Variants in IL10RA observed in about 807,000 individuals in gnomAD.
The protein encoded by IL10RA is interleukin 10 receptor subunit alpha.
A neutral mutation model predicts 29.6 loss-of-function variants in IL10RA; 18 were observed. That is an observed-to-expected ratio of 0.61 (90% CI 0.42 to 0.90). The LOEUF is 0.90. Among genes scored for constraint, IL10RA ranks in the 40% least tolerant of loss-of-function variants. IL10RA has a pLI of 0.00. For missense variants in IL10RA, 634 were observed against 716.6 expected, an observed-to-expected ratio of 0.88 and a Z score of 1.32; for synonymous variants, 292 against 294.1, an observed-to-expected ratio of 0.99 and a Z score of 0.07.
chr11:117,992,112 G>T (rs745630206), intron 3 of IL10RA, among the ~76,000 whole-genome samples: 23 of 152,184 alleles, frequency 1.5e-4, no homozygotes, highest in Non-Finnish European at 2.2e-4. Flanking sequence ...TTCATCCATT[G>T]GTGGGCATTT....
At chr11:117,995,756 C>T (rs770695687) in intron 6 of IL10RA, 46 bp downstream of exon 6, 1 of 1,603,786 alleles carries the variant, frequency 6.2e-7, no homozygotes, top group South Asian at 1.1e-5. Flanking sequence ...CCAGCCACAC[C>T]CGAGCTTCCA....
chr11:117,994,497 T>C (rs1208657271), intron 5 of IL10RA, among the ~76,000 whole-genome samples: 3 of 152,206 alleles, frequency 2.0e-5, no homozygotes, highest in African/African-American at 4.8e-5. Flanking sequence ...GTTACAGTCT[T>C]CTGCTGTTCT....
intron 6 of IL10RA, 80 bp from the exon 7 acceptor site, chr11:117,998,635 G>A: frequency 8.1e-7 from 1 of 1,228,270 alleles, no homozygotes; most frequent in South Asian, 1.2e-5. Context: ...TCTCCTCCTG[G>A]GCCTGGCCTT....
intron 6 of IL10RA, among the ~76,000 whole-genome samples, chr11:117,996,060 A>G (rs1158313128): frequency 6.6e-6 from 1 of 152,188 alleles, no homozygotes; most frequent in Non-Finnish European, 1.5e-5. Context: ...TCCCCATTTC[A>G]TAAGTGAGGA....
intron 6 of IL10RA, among the ~76,000 whole-genome samples, chr11:117,997,920 C>G (rs973365194): frequency 6.6e-6 from 1 of 152,020 alleles, no homozygotes; most frequent in African/African-American, 2.4e-5. Context: ...TATAAAGTGC[C>G]GAGAGCATTT....
In IL10RA at chr11:117,999,942, C is replaced by A; in HGVS notation, c.*301C>A. Reference sequence around the variant, plus strand: ...CCTTCTCCCTCCTAGGAACTCTTTCCTGTATCATAAAGGATTATTTGCTCA... The same window carrying A: ...CCTTCTCCCTCCTAGGAACTCTTTCATGTATCATAAAGGATTATTTGCTCA... On this transcript the variant is annotated 3_prime_UTR_variant, in exon 7 of 7. Coordinates refer to ENST00000227752, the MANE Select transcript of IL10RA (RefSeq NM_001558.4). 1 of 573,404 alleles carries A rather than the reference C, an allele frequency of 1.7e-6. No homozygotes were observed. Among genetic ancestry groups the A allele is most frequent in the Non-Finnish European group, 3.3e-6 (1 of 303,880 alleles). 35.5% of individuals were successfully genotyped at this position (573,404 alleles called of 1,614,324 possible).
chr11:117,998,985 A>G lies in IL10RA; in HGVS notation c.1081A>G (p.Ser361Gly). The change falls in exon 7 of 7, where the codon AGT (serine) becomes GGT (glycine). Residue 361 changes from serine (S) to glycine (G), a missense_variant. Ser to Gly is a moderately conservative substitution (Grantham distance 56). Coordinates refer to ENST00000227752, the MANE Select transcript of IL10RA (RefSeq NM_001558.4). ...GCCCCCTGTGCTGGGGGACAGCTGC[A>G]GTAGTGGCAGCAGCAATAGCACAGA... ...REPPVLGDSC[S>G]SGSSNSTDSG... 1 of 1,613,704 alleles carries G rather than the reference A, an allele frequency of 6.2e-7. No homozygotes were observed. The highest frequency in any genetic ancestry group is 1.3e-5 in the African/African-American group (1 of 75,056).
rs780261987 is a variant in IL10RA at position 117,999,625 on chromosome 11, T to G, written c.1721T>G (p.Leu574Arg). Residue 574 changes from leucine (L) to arginine (R), a missense_variant, in exon 7 of 7, where the codon CTG (leucine) becomes CGG (arginine). Transcript: ENST00000227752. ...GTCACCCTGCCCCTCATCTCTAGCC[T>G]GCAGTCAAGTGAGTGACTCGGGCTG... ...DLVTLPLISS[L>R]QSSE The G allele has an allele frequency of 6.2e-7, 1 of 1,613,936 alleles. No individual in the cohort carries two copies. The highest frequency in any genetic ancestry group is 8.5e-7 in the Non-Finnish European group (1 of 1,179,822).
At chr11:118,001,887 A>T (rs2058097967), downstream of IL10RA, 1 of 175,352 alleles carries the variant, frequency 5.7e-6, no homozygotes, top group Non-Finnish European at 1.2e-5. Flanking sequence ...AGCGATAAGG[A>T]GTGTGCAGCG....
chr11:117,990,643 G>A (rs2058016527), intron 3 of IL10RA, among the ~76,000 whole-genome samples: 1 of 152,098 alleles, frequency 6.6e-6, no homozygotes, highest in Non-Finnish European at 1.5e-5. Context: ...ACCCTCCCCT[G>A]CCACCAATTA....
intron 5 of IL10RA, among the ~76,000 whole-genome samples, chr11:117,994,631 G>A (rs1443043489): frequency 6.6e-6 from 1 of 152,226 alleles, no homozygotes; most frequent in Non-Finnish European, 1.5e-5. Flanking sequence ...GGGCTGTAGG[G>A]GGAGGGAGAT....
At chr11:117,990,053 G>T (rs560349320) in intron 3 of IL10RA, among the ~76,000 whole-genome samples, 7 of 152,346 alleles carry the variant, frequency 4.6e-5, no homozygotes, top group Non-Finnish European at 7.3e-5. Context: ...CTACTAAAGA[G>T]AAGTTATGGA....
rs769629061 is a variant in IL10RA at position 117,999,507 on chromosome 11, G to C, written c.1603G>C (p.Gly535Arg). The C allele has an allele frequency of 6.2e-7, 1 of 1,614,220 alleles. No homozygotes were observed. The highest frequency in any genetic ancestry group is 1.1e-5 in the South Asian group (1 of 91,090). ...LLALSSCSDLGISDWSFAHDL... is the reference protein window; with the variant it reads ...LLALSSCSDLRISDWSFAHDL... Reference sequence around the variant, plus strand: ...GGCCTTGAGCAGCTGCAGTGACCTGGGAATATCTGACTGGAGCTTTGCCCA... The same window carrying C: ...GGCCTTGAGCAGCTGCAGTGACCTGCGAATATCTGACTGGAGCTTTGCCCA... Residue 535 changes from glycine to arginine, a missense_variant, in exon 7 of 7, where the codon GGA (glycine) becomes CGA (arginine). Transcript: ENST00000227752.
chr11:117,999,110 C>T lies in IL10RA; in HGVS notation c.1206C>T (p.Gly402=). The T allele has an allele frequency of 6.2e-7, 1 of 1,611,932 alleles. No individual in the cohort carries two copies. The highest frequency in any genetic ancestry group is 8.5e-7 in the Non-Finnish European group (1 of 1,178,128). Residue 402 remains glycine, a synonymous_variant, in exon 7 of 7, where the codon GGC becomes GGT. Coordinates refer to ENST00000227752, the MANE Select transcript of IL10RA (RefSeq NM_001558.4). ...ACAGCAGGGGCCAGGATGACAGTGG[C>T]ATTGACTTAGTTCAAAACTCTGAGG... The part of the protein sequence containing the change: ...GSNSRGQDDS[G]IDLVQNSEGR...
At chr11:117,988,118 C>A in intron 1 of IL10RA, 1 of 526,286 alleles carries the variant, frequency 1.9e-6, no homozygotes, top group Non-Finnish European at 3.5e-6. Flanking sequence ...GCCTTCTTCC[C>A]TGGTAGGCAT....
At chr11:117,988,186 G>C (rs1373028490) in intron 1 of IL10RA, 196 bp from the exon 2 acceptor site, 1 of 661,810 alleles carries the variant, frequency 1.5e-6, no homozygotes, top group African/African-American at 1.8e-5. Flanking sequence ...AGAGAGCACA[G>C]GGCAGTGATT....
chr11:117,986,558 T>G, intron 1 of IL10RA, 24 bp downstream of exon 1: 1 of 1,550,954 alleles, frequency 6.4e-7, no homozygotes, highest in Non-Finnish European at 8.7e-7. Context: ...ACGCGGCCCT[T>G]CCCTGCCCTG....
chr11:117,987,788 TTC>T, intron 1 of IL10RA: 4 of 179,944 alleles, frequency 2.2e-5, no homozygotes, highest in Admixed American at 5.4e-5. Context: ...AGCTGATTTA[TTC>T]CATCTGTCCT....
chr11:117,994,184 G>A, intron 5 of IL10RA, 35 bp downstream of exon 5: 1 of 1,606,780 alleles, frequency 6.2e-7, no homozygotes, highest in Admixed American at 1.7e-5. Context: ...CATGGGGAGG[G>A]AGACTGGGAG....
Sources: allele counts gnomAD v4.1 joint callset (sites outside exome capture counted in the v4.1 genomes callset), GRCh38; gene constraint gnomAD v4.1.1; transcripts MANE v1.5; gene names NCBI Gene and HGNC (gene_info 2026-07-23, HGNC 2026-07-21).